PTPRG: variants seen among roughly 807,000 people sequenced by gnomAD.
PTPRG encodes the protein protein tyrosine phosphatase receptor type G.
A neutral mutation model predicts 165.3 loss-of-function variants in PTPRG; 102 were observed. That is an observed-to-expected ratio of 0.62 (90% confidence interval 0.53 to 0.73). The LOEUF (loss-of-function observed/expected upper bound fraction) is 0.73, where lower values mean the gene tolerates loss of function less well. PTPRG is among the 30% of genes least tolerant of loss of function. The pLI is 0.00. For missense variants in PTPRG, 1,866 were observed against 1,861.4 expected (o/e 1.00, Z -0.05); for synonymous variants, 675 against 669.5 (o/e 1.01, Z -0.13).
At chr3:61,869,409 A>C (rs1183002410) in intron 2 of PTPRG, among the ~76,000 whole-genome samples, 2 of 152,206 alleles carry the variant, frequency 1.3e-5, no homozygotes, top group African/African-American at 4.8e-5. Context: ...ATGACTTAAA[A>C]AATGTCATGA....
chr3:61,815,053 A>G (rs1248415784), intron 2 of PTPRG, among the ~76,000 whole-genome samples: 2 of 151,784 alleles, frequency 1.3e-5, no homozygotes, highest in Non-Finnish European at 2.9e-5. Context: ...CTGCCTGCTA[A>G]TTAGGTGGTT....
intron 6 of PTPRG, among the ~76,000 whole-genome samples, chr3:62,142,844 G>A (rs79868636): frequency 0.017 from 2,530 of 152,302 alleles, 72 homozygotes; most frequent in African/African-American, 0.057. Flanking sequence ...CTGCTGCTGT[G>A]CTGGGGCATG....
At chr3:62,241,214 T>C (rs1701152485) in intron 14 of PTPRG, among the ~76,000 whole-genome samples, 1 of 152,180 alleles carries the variant, frequency 6.6e-6, no homozygotes, top group South Asian at 2.1e-4. Context: ...CTTAAGGAAG[T>C]AGTTTTAAGG....
At chr3:62,193,779 C>G (rs1326479630) in intron 9 of PTPRG, among the ~76,000 whole-genome samples, 1 of 152,214 alleles carries the variant, frequency 6.6e-6, no homozygotes, top group Non-Finnish European at 1.5e-5. Flanking sequence ...CAGAGGTTTT[C>G]AATAGCTGCG....
chr3:62,045,390 G>A (rs572757721), intron 4 of PTPRG, among the ~76,000 whole-genome samples: 4 of 152,178 alleles, frequency 2.6e-5, no homozygotes, highest in East Asian at 3.8e-4. Context: ...AGCTGGTGTC[G>A]AGTTAGCTGT....
chr3:61,661,254 A>G (rs1234734816), intron 1 of PTPRG, among the ~76,000 whole-genome samples: 1 of 152,072 alleles, frequency 6.6e-6, no homozygotes, highest in Non-Finnish European at 1.5e-5. Context: ...ACTTAAAAAA[A>G]ATGGGTGCTT....
intron 2 of PTPRG, among the ~76,000 whole-genome samples, chr3:61,846,043 G>T (rs745655846): frequency 2.4e-4 from 37 of 152,120 alleles, no homozygotes; most frequent in Non-Finnish European, 2.9e-5. Flanking sequence ...TGAGCAAAGT[G>T]CTTAACCTTT....
intron 2 of PTPRG, among the ~76,000 whole-genome samples, chr3:61,955,459 A>T (rs952340396): frequency 6.6e-6 from 1 of 152,234 alleles, no homozygotes; most frequent in Admixed American, 6.5e-5. Context: ...TTTTGGACTT[A>T]GCGAAAATGT....
chr3:61,957,647 A>T (rs945216079), intron 2 of PTPRG, among the ~76,000 whole-genome samples: 1 of 152,174 alleles, frequency 6.6e-6, no homozygotes, highest in Non-Finnish European at 1.5e-5. Context: ...TGCTGGTGTC[A>T]TTTAGTAGCT....
intron 13 of PTPRG, among the ~76,000 whole-genome samples, chr3:62,220,792 A>G (rs1430407107): frequency 6.6e-6 from 1 of 152,182 alleles, no homozygotes; most frequent in East Asian, 1.9e-4. Flanking sequence ...CAGCATGCCT[A>G]TCTCTTGGCT....
intron 4 of PTPRG, among the ~76,000 whole-genome samples, chr3:62,006,765 T>A (rs1156813607): frequency 3.9e-5 from 6 of 152,144 alleles, no homozygotes; most frequent in Non-Finnish European, 8.8e-5. Flanking sequence ...GTTATGGTAT[T>A]ACTTTCTAGT....
chr3:61,964,865 G>C (rs2040232132), intron 2 of PTPRG, among the ~76,000 whole-genome samples: 1 of 151,834 alleles, frequency 6.6e-6, no homozygotes, highest in African/African-American at 2.4e-5. Context: ...AATTTTAGAA[G>C]GAAACGCAGT....
intron 8 of PTPRG, among the ~76,000 whole-genome samples, 169 bp from the exon 9 acceptor site, chr3:62,191,300 T>C (rs1183918944): frequency 6.6e-6 from 1 of 151,532 alleles, no homozygotes. Context: ...GGGAGAACAA[T>C]GTTCTCCCTC....
intron 2 of PTPRG, among the ~76,000 whole-genome samples, chr3:61,868,715 G>A (rs2037478529): frequency 6.6e-6 from 1 of 152,164 alleles, no homozygotes; most frequent in Non-Finnish European, 1.5e-5. Flanking sequence ...CACAAATAAA[G>A]CAAACTCTCC....
intron 2 of PTPRG, among the ~76,000 whole-genome samples, chr3:61,891,177 G>A (rs2038203910): frequency 6.6e-6 from 1 of 152,012 alleles, no homozygotes; most frequent in Non-Finnish European, 1.5e-5. Context: ...ATTTAGCCAG[G>A]CGTTGTGGCA....
intron 5 of PTPRG, among the ~76,000 whole-genome samples, chr3:62,089,614 C>G (rs349161): frequency 1.3e-5 from 2 of 151,952 alleles, no homozygotes; most frequent in African/African-American, 4.8e-5. Flanking sequence ...CAGGTGTCTT[C>G]TGAGAAAATT....
rs1351481116 is a variant in PTPRG at position 62,007,417 on chromosome 3, T to C, written c.519+3920T>C. ...AAGACGAAAGCTCTTCAATAACCAG[T>C]GTTCTTTACAGCTCAGTTAAAGTTA... On this transcript the variant is annotated intron_variant, in intron 4 of 29. Coordinates refer to ENST00000474889, the MANE Select transcript of PTPRG (RefSeq NM_002841.4). Among the ~76,000 whole-genome samples the C allele has an allele frequency of 9.8e-5, 15 of 152,338 alleles. No individual in the cohort carries two copies. In the East Asian group the frequency reaches 2.9e-3, roughly 29 times the overall value.
intron 2 of PTPRG, among the ~76,000 whole-genome samples, chr3:61,900,981 A>G (rs2107521010): frequency 6.6e-6 from 1 of 152,306 alleles, no homozygotes; most frequent in South Asian, 2.1e-4. Flanking sequence ...AGGTCAGTGG[A>G]AATAAGCATA....
chr3:61,716,665 T>G (rs1416960825), intron 1 of PTPRG, among the ~76,000 whole-genome samples: 5 of 152,164 alleles, frequency 3.3e-5, no homozygotes, highest in Non-Finnish European at 7.4e-5. Context: ...TAAAAATACT[T>G]GCTTACTTTT....
Sources: allele counts gnomAD v4.1 joint callset (sites outside exome capture counted in the v4.1 genomes callset), GRCh38; gene constraint gnomAD v4.1.1; transcripts MANE v1.5; gene names NCBI Gene and HGNC (gene_info 2026-07-23, HGNC 2026-07-21).